The following BLOC1S2 variants were observed in gnomAD, a reference collection of about 807,000 sequenced individuals.
BLOC1S2 encodes biogenesis of lysosomal organelles complex 1 subunit 2.
In BLOC1S2, 12 loss-of-function variants were observed where a neutral mutation model predicts 19.6. That is an observed-to-expected ratio of 0.61 (90% CI 0.39 to 0.99). The LOEUF (loss-of-function observed/expected upper bound fraction) is 0.99, where lower values mean the gene tolerates loss of function less well. BLOC1S2 is among the 50% of genes least tolerant of loss of function. The probability of loss-of-function intolerance (pLI) is 0.00; values close to 1 mark genes in which losing one functional copy is unlikely to be tolerated. For missense variants in BLOC1S2, 142 were observed against 171.0 expected (o/e 0.83, Z 0.95); for synonymous variants, 66 against 64.1 (o/e 1.03, Z -0.14).
intron 4 of BLOC1S2, among the ~76,000 whole-genome samples, chr10:100,277,338 C>A (rs1847919857): frequency 6.7e-6 from 1 of 149,252 alleles, no homozygotes; most frequent in South Asian, 2.1e-4. Context: ...AGGTGGGGGT[C>A]AGCCCCCCGC....
chr10:100,279,644 C>T (rs71488052), intron 4 of BLOC1S2, among the ~76,000 whole-genome samples: 9,500 of 152,104 alleles, frequency 0.062, 341 homozygotes, highest in African/African-American at 0.095. Context: ...CAGGCCAGGC[C>T]GAGGTGGGCA....
At chr10:100,277,606 G>GGGGGGGTC (rs1847943788) in intron 4 of BLOC1S2, among the ~76,000 whole-genome samples, 1 of 108,884 alleles carries the variant, frequency 9.2e-6, no homozygotes, top group Non-Finnish European at 2.0e-5. Flanking sequence ...AGGGAGGTGG[G>GGGGGGGTC]AGGGGGTCAG....
chr10:100,274,937 T>A lies in BLOC1S2; in HGVS notation c.*525A>T, dbSNP rs1247732411. Reference sequence around the variant, plus strand: ...AGCTTGGAATTATTTTAAGATTTTATGTTATTTGCAATATTATGGAAAAGT... The same window carrying A: ...AGCTTGGAATTATTTTAAGATTTTAAGTTATTTGCAATATTATGGAAAAGT... On this transcript the variant is annotated 3_prime_UTR_variant, in exon 5 of 5. Transcript: ENST00000370372. 2 of 398,622 alleles carry A rather than the reference T, an allele frequency of 5.0e-6. No homozygotes were observed. Among genetic ancestry groups the A allele is most frequent in the African/African-American group, 4.1e-5 (2 of 48,646 alleles). 24.7% of individuals were successfully genotyped at this position (398,622 alleles called of 1,614,324 possible).
At position 100,274,963 on chromosome 10, in the gene BLOC1S2, A is replaced by G. The variant is rs1847815971; in HGVS notation, c.*499T>C. The G allele has an allele frequency of 2.5e-6, 1 of 398,778 alleles. No homozygotes were observed. The highest frequency in any genetic ancestry group is 2.1e-5 in the African/African-American group (1 of 48,646). 24.7% of individuals were successfully genotyped at this position (398,778 alleles called of 1,614,324 possible). On this transcript the variant is annotated 3_prime_UTR_variant, in exon 5 of 5. Coordinates refer to ENST00000370372, the MANE Select transcript of BLOC1S2 (RefSeq NM_173809.5). ...GTTATTTGCAATATTATGGAAAAGT[A>G]AGTTACCGACATTCACAAGGTGATA...
rs1564870940 is a variant in BLOC1S2 at position 100,276,328 on chromosome 10, T to TCTCCCGTCTCCCTCTCCCGTCTCC, written c.398-836_398-835insGGAGACGGGAGAGGGAGACGGGAG. ...CATCTCCCTCTCCCGTCTCCCTCTC[T>TCTCCCGTCTCCCTCTCCCGTCTCC]CTCTCCCGTCTCCCTCTCCCGTCTC... On this transcript the variant is annotated intron_variant, in intron 4 of 4. Coordinates refer to ENST00000370372, the MANE Select transcript of BLOC1S2 (RefSeq NM_173809.5). 6.9e-4 allele frequency among the ~76,000 whole-genome samples: 25 copies of TCTCCCGTCTCCCTCTCCCGTCTCC among 36,212 alleles called. 7 individuals are homozygous for TCTCCCGTCTCCCTCTCCCGTCTCC. The highest frequency in any genetic ancestry group is 1.5e-3 in the African/African-American group (20 of 13,690). 23.8% of individuals were successfully genotyped at this position (36,212 alleles called of 152,430 possible). A position where few individuals can be genotyped will look rare whatever the true frequency, so the allele number is the denominator to read the frequency against.
At chr10:100,285,095 TA>T (rs1243120036) in intron 2 of BLOC1S2, among the ~76,000 whole-genome samples, 1 of 151,780 alleles carries the variant, frequency 6.6e-6, no homozygotes, top group African/African-American at 2.4e-5. Context: ...AAAAAAAAAT[TA>T]CAGATTCACA....
chr10:100,277,056 A>C (rs28459206), intron 4 of BLOC1S2, among the ~76,000 whole-genome samples: 253 of 146,660 alleles, frequency 1.7e-3, no homozygotes, highest in Middle Eastern at 0.014. Flanking sequence ...CTGGGAAGTG[A>C]GGAGCGCCTC....
Position 100,275,439 on chromosome 10 carries a change from T to G in BLOC1S2, c.*23A>C, listed in dbSNP as rs760345153. ...TTCTTCCACATTAAAAAAAAAAGAC[T>G]CTGTCCCATAGAAATAAGTTTCTCA... On this transcript the variant is annotated 3_prime_UTR_variant, in exon 5 of 5. Coordinates refer to ENST00000370372, the MANE Select transcript of BLOC1S2 (RefSeq NM_173809.5). 6.3e-7 allele frequency: 1 copy of G among 1,588,720 alleles called. No individual in the cohort carries two copies. Among genetic ancestry groups the G allele is most frequent in the Non-Finnish European group, 8.6e-7 (1 of 1,166,366 alleles).
intron 2 of BLOC1S2, among the ~76,000 whole-genome samples, chr10:100,284,768 G>A (rs1232000468): frequency 6.6e-6 from 1 of 152,042 alleles, no homozygotes; most frequent in South Asian, 2.1e-4. Flanking sequence ...TGGGATTACA[G>A]GCATGAGCCA....
intron 1 of BLOC1S2, 104 bp from the exon 2 acceptor site, chr10:100,286,317 C>G (rs1157323954): frequency 6.7e-7 from 1 of 1,500,936 alleles, no homozygotes. Context: ...TCCATCAAGT[C>G]GGCTCCATTC....
intron 4 of BLOC1S2, among the ~76,000 whole-genome samples, chr10:100,278,535 C>G (rs1355128120): frequency 1.3e-5 from 2 of 151,950 alleles, no homozygotes; most frequent in African/African-American, 2.4e-5. Context: ...GACCTTACCC[C>G]CAACCCTGTG....
intron 2 of BLOC1S2, among the ~76,000 whole-genome samples, chr10:100,281,693 A>ATAT (rs1554910961): frequency 1.4e-4 from 19 of 138,874 alleles, no homozygotes; most frequent in African/African-American, 3.7e-4. Context: ...AAAAAAAAAA[A>ATAT]ATATATATAT....
chr10:100,275,437 ACT>A lies in BLOC1S2; in HGVS notation c.*23_*24del, dbSNP rs775365656. On this transcript the variant is annotated 3_prime_UTR_variant, in exon 5 of 5. Transcript: ENST00000370372. The stretch of plus-strand genomic sequence containing the variant: ...CATTCTTCCACATTAAAAAAAAAAG[ACT>A]CTGTCCCATAGAAATAAGTTTCTCA... 1.7e-4 allele frequency: 275 copies of A among 1,584,830 alleles called. No homozygotes were observed. The African/African-American group carries it at 3.2e-3, about 18-fold the overall frequency.
chr10:100,283,510 C>T (rs1848160881), intron 2 of BLOC1S2, among the ~76,000 whole-genome samples: 1 of 148,224 alleles, frequency 6.7e-6, no homozygotes, highest in East Asian at 2.0e-4. Flanking sequence ...TTGCTCATCT[C>T]TCTCTGTTCT....
chr10:100,278,197 C>G (rs1269796872), intron 4 of BLOC1S2, among the ~76,000 whole-genome samples: 1 of 141,524 alleles, frequency 7.1e-6, no homozygotes, highest in African/African-American at 2.7e-5. Flanking sequence ...CCGCCCCGTC[C>G]GGGAGGGAGG....
chr10:100,277,130 A>G (rs1466798331), intron 4 of BLOC1S2, among the ~76,000 whole-genome samples: 1 of 145,032 alleles, frequency 6.9e-6, no homozygotes, highest in Non-Finnish European at 1.5e-5. Context: ...ACCGTCTGAG[A>G]TGTGGGGAGC....
chr10:100,277,881 T>TG (rs1171226048), intron 4 of BLOC1S2, among the ~76,000 whole-genome samples: 7 of 85,672 alleles, frequency 8.2e-5, no homozygotes, highest in Non-Finnish European at 1.6e-4. Flanking sequence ...GGGAGGGAGG[T>TG]GGGGGGGTCA....
Position 100,281,027 on chromosome 10 carries a change from C to T in BLOC1S2, c.199G>A (p.Glu67Lys), listed in dbSNP as rs1848089704. Residue 67 changes from glutamate (E) to lysine (K), a missense_variant, in exon 3 of 5, where the codon GAA becomes AAA. By Grantham distance (56) the Glu-to-Lys change is moderately conservative. Around this residue, in one of 2 missense-constraint regions of BLOC1S2, gnomAD observed 94 missense variants for 141.3 expected, o/e 0.67. Coordinates refer to ENST00000370372, the MANE Select transcript of BLOC1S2 (RefSeq NM_173809.5). ...AAGCTGGTGAGTTTATTCATATTTT[C>T]CAGGAGCTTATAGTCTTCACTGGTG... ...TATSEDYKLL[E>K]NMNKLTSLKY... The T allele has an allele frequency of 2.5e-6, 4 of 1,613,502 alleles. No homozygotes were observed. In the South Asian group the frequency reaches 4.4e-5, roughly 18 times the overall value.
chr10:100,276,563 ACTGTACTGCT>A, intron 4 of BLOC1S2, among the ~76,000 whole-genome samples: 1 of 149,336 alleles, frequency 6.7e-6, no homozygotes, highest in East Asian at 2.0e-4. Context: ...CCAAAGCTGG[ACTGTACTGCT>A]GCCATCTCGG....
Sources: allele counts gnomAD v4.1 joint callset (sites outside exome capture counted in the v4.1 genomes callset), GRCh38; gene constraint gnomAD v4.1.1; regional missense constraint gnomAD v4.1.1; transcripts MANE v1.5; gene names NCBI Gene and HGNC (gene_info 2026-07-23, HGNC 2026-07-21).